Variants in OR1A1 observed in about 807,000 individuals in gnomAD.
OR1A1 encodes the protein olfactory receptor family 1 subfamily A member 1, also known as olfactory receptor 1A1.
For synonymous variants in OR1A1, 145 were observed against 147.8 expected (o/e 0.98, Z 0.13); for missense variants, 391 against 379.9 (o/e 1.03, Z -0.24).
intron 3 of OR1A1, 52 bp from the exon 4 acceptor site, chr17:3,215,564 A>G: frequency 7.7e-7 from 1 of 1,305,872 alleles, no homozygotes; most frequent in Non-Finnish European, 1.1e-6. Context: ...TTATCACTAC[A>G]CACAGTAACT....
intron 2 of OR1A1, among the ~76,000 whole-genome samples, chr17:3,210,701 G>A (rs113165071): frequency 0.019 from 2,818 of 152,166 alleles, 83 homozygotes; most frequent in African/African-American, 0.065. Context: ...CGCTTCCCGG[G>A]TTCAAGTGAT....
intron 2 of OR1A1, among the ~76,000 whole-genome samples, chr17:3,209,892 AT>A (rs1452123334): frequency 1.3e-5 from 2 of 152,020 alleles, no homozygotes; most frequent in African/African-American, 4.8e-5. Flanking sequence ...CCTATTCAGA[AT>A]TTACACTTTT....
chr17:3,212,231 T>C (rs1422800622), intron 2 of OR1A1, among the ~76,000 whole-genome samples: 1 of 149,190 alleles, frequency 6.7e-6, no homozygotes, highest in Non-Finnish European at 1.5e-5. Flanking sequence ...GTGGTCACAC[T>C]GTATCAAGGG....
Position 3,215,979 on chromosome 17 carries a change from A to G in OR1A1, c.359A>G (p.Tyr120Cys), listed in dbSNP as rs2048466109. The G allele has an allele frequency of 3.7e-6, 6 of 1,614,188 alleles. No homozygotes were observed. Among genetic ancestry groups the G allele is most frequent in the Non-Finnish European group, 5.1e-6 (6 of 1,180,030 alleles). ...AGCTATATTTTGGCTGCAATGGCAT[A>G]TGATCGAGCTGTGGCCATCAGCCGC... ...TDSYILAAMAYDRAVAISRPL... is the reference protein window; with the variant it reads ...TDSYILAAMACDRAVAISRPL... Residue 120 changes from tyrosine (Y) to cysteine (C), a missense_variant, in exon 4 of 4, where the codon TAT becomes TGT. Physicochemically the swap from Tyr to Cys is radical, Grantham distance 194. Coordinates refer to ENST00000641732, the MANE Select transcript of OR1A1 (RefSeq NM_014565.3).
rs199919456 is a variant in OR1A1, at chr17:3,216,066, G to C, written c.446G>C (p.Trp149Ser). The C allele has an allele frequency of 6.2e-7, 1 of 1,614,112 alleles. No homozygotes were observed. The highest frequency in any genetic ancestry group is 8.5e-7 in the Non-Finnish European group (1 of 1,180,026). ...TGTATCTGGCTTATTGCTGGGTCTT[G>C]GGTGATTGGAAATGCCAATGCCCTC... Reference protein sequence around the residue: ...RSCIWLIAGSWVIGNANALPH... With the variant: ...RSCIWLIAGSSVIGNANALPH... Residue 149 changes from tryptophan to serine, a missense_variant, in exon 4 of 4, where the codon TGG becomes TCG. Trp to Ser is a radical substitution (Grantham distance 177). Coordinates refer to ENST00000641732, the MANE Select transcript of OR1A1 (RefSeq NM_014565.3).
chr17:3,215,035 G>GCCGT, intron 3 of OR1A1: 6 of 152,662 alleles, frequency 3.9e-5, no homozygotes, highest in Non-Finnish European at 8.8e-5. Context: ...TGGGCTCTGG[G>GCCGT]ATCCCTCTGA....
Position 3,216,486 on chromosome 17 carries a change from G to A in OR1A1, c.866G>A (p.Ser289Asn), listed in dbSNP as rs568101208. 20 of 1,613,988 alleles carry A rather than the reference G, an allele frequency of 1.2e-5. No individual in the cohort carries two copies. The highest frequency in any genetic ancestry group is 1.7e-5 in the Admixed American group (1 of 60,002). Residue 289 changes from serine to asparagine, a missense_variant, in exon 4 of 4, where the codon AGT becomes AAT. Transcript: ENST00000641732. ...VTPMLNPFIY[S>N]LRNRDMKAAL... ...CCAATGTTAAATCCTTTCATCTACA[G>A]TCTGAGAAATCGGGACATGAAGGCT... is the stretch of plus-strand genomic sequence containing the variant.
Position 3,215,910 on chromosome 17 carries a change from G to A in OR1A1, c.290G>A (p.Cys97Tyr), listed in dbSNP as rs1323211780. Residue 97 changes from cysteine (C) to tyrosine (Y), a missense_variant, in exon 4 of 4, where the codon TGC becomes TAC. Transcript: ENST00000641732. The part of the protein sequence containing the change: ...LGSKSISFGG[C>Y]LTQMYFMIAL... Reference sequence around the variant, plus strand: ...AGCAAATCCATCTCTTTTGGGGGATGCCTAACGCAGATGTATTTCATGATA... The same window carrying A: ...AGCAAATCCATCTCTTTTGGGGGATACCTAACGCAGATGTATTTCATGATA... The A allele has an allele frequency of 6.2e-7, 1 of 1,614,158 alleles. No individual in the cohort carries two copies. The highest frequency in any genetic ancestry group is 1.7e-5 in the Admixed American group (1 of 60,016).
At position 3,216,082 on chromosome 17, in the gene OR1A1, C is replaced by T; in HGVS notation, c.462C>T (p.Ala154=). The stretch of plus-strand genomic sequence containing the variant: ...CTGGGTCTTGGGTGATTGGAAATGC[C>T]AATGCCCTCCCCCACACTCTGCTCA... The part of the protein sequence containing the change: ...LIAGSWVIGN[A]NALPHTLLTA... Residue 154 remains alanine (A), a synonymous_variant, in exon 4 of 4, where the codon GCC becomes GCT. Coordinates refer to ENST00000641732, the MANE Select transcript of OR1A1 (RefSeq NM_014565.3). The T allele has an allele frequency of 2.5e-6, 4 of 1,614,130 alleles. No individual in the cohort carries two copies. The highest frequency in any genetic ancestry group is 2.2e-5 in the East Asian group (1 of 44,886).
chr17:3,216,087 C>T lies in OR1A1; in HGVS notation c.467C>T (p.Ala156Val), dbSNP rs1174948856. 1 of 1,613,990 alleles carries T rather than the reference C, an allele frequency of 6.2e-7. No individual in the cohort carries two copies. The highest frequency in any genetic ancestry group is 1.3e-5 in the African/African-American group (1 of 74,896). ...TCTTGGGTGATTGGAAATGCCAATGCCCTCCCCCACACTCTGCTCACAGCT... is the reference window on the plus strand; with the variant it reads ...TCTTGGGTGATTGGAAATGCCAATGTCCTCCCCCACACTCTGCTCACAGCT... ...AGSWVIGNANALPHTLLTASL... is the reference protein window; with the variant it reads ...AGSWVIGNANVLPHTLLTASL... Residue 156 changes from alanine to valine, a missense_variant, in exon 4 of 4, where the codon GCC (alanine) becomes GTC (valine). Coordinates refer to ENST00000641732, the MANE Select transcript of OR1A1 (RefSeq NM_014565.3).
In OR1A1 at chr17:3,218,745, C is replaced by T. The variant is rs558789121; in HGVS notation, c.*2195C>T. 2.6e-5 allele frequency: 4 copies of T among 152,092 alleles called. 1 individual carries two copies. In the Middle Eastern group the frequency reaches 0.014, roughly 514 times the overall value. 9.4% of individuals were successfully genotyped at this position (152,092 alleles called of 1,614,324 possible). A position where few individuals can be genotyped will look rare whatever the true frequency, so the allele number is the denominator to read the frequency against. The stretch of plus-strand genomic sequence containing the variant: ...GAGAACACATGGACACAAGGAAGGG[C>T]ACATCACACACCAGGGCCTGTCAGC... On this transcript the variant is annotated 3_prime_UTR_variant, in exon 4 of 4. Transcript: ENST00000641732.
intron 2 of OR1A1, 25 bp downstream of exon 2, chr17:3,209,023 T>C (rs894110773): frequency 7.2e-6 from 1 of 139,748 alleles, no homozygotes; most frequent in Non-Finnish European, 1.6e-5. Flanking sequence ...TGTTTCTTTT[T>C]AATTTTTTTA....
chr17:3,213,640 T>C (rs1245987250), intron 3 of OR1A1: 3 of 152,188 alleles, frequency 2.0e-5, no homozygotes, highest in Non-Finnish European at 4.4e-5. Context: ...TTGGGGGAGG[T>C]TCTCCTGAGT....
Position 3,215,775 on chromosome 17 carries a change from A to G in OR1A1, c.155A>G (p.Asp52Gly), listed in dbSNP as rs754296605. 1.1e-5 allele frequency: 18 copies of G among 1,613,900 alleles called. No individual in the cohort carries two copies. Among genetic ancestry groups the G allele is most frequent in the Non-Finnish European group, 1.4e-5 (16 of 1,180,022 alleles). Residue 52 changes from aspartate to glycine, a missense_variant, in exon 4 of 4, where the codon GAT becomes GGT. By Grantham distance (94) the Asp-to-Gly change is moderately conservative (BLOSUM62 -1). Coordinates refer to ENST00000641732, the MANE Select transcript of OR1A1 (RefSeq NM_014565.3). ...CTCATCGTCCTAGCCATTTGCTCTG[A>G]TGTTCGCCTTCACAACCCCATGTAT... ...NLLIVLAICSDVRLHNPMYFL... is the reference protein window; with the variant it reads ...NLLIVLAICSGVRLHNPMYFL...
In OR1A1 at chr17:3,215,606, C is replaced by G. The variant is rs1315695927; in HGVS notation, c.-5-10C>G. 16 of 1,584,156 alleles carry G rather than the reference C, an allele frequency of 1.0e-5. No individual in the cohort carries two copies. In the Admixed American group the frequency reaches 2.7e-4, roughly 27 times the overall value. Reference sequence around the variant, plus strand: ...ATATAATGATATTCCTCTCCCCTTTCATGTTAAAGAAGCCATGAGGGAAAA... The same window carrying G: ...ATATAATGATATTCCTCTCCCCTTTGATGTTAAAGAAGCCATGAGGGAAAA... On this transcript the variant is annotated splice_polypyrimidine_tract_variant and intron_variant, in intron 3 of 3. Transcript: ENST00000641732.
chr17:3,215,765 A>G lies in OR1A1; in HGVS notation c.145A>G (p.Ile49Val), dbSNP rs752691661. 6.2e-7 allele frequency: 1 copy of G among 1,613,988 alleles called. No homozygotes were observed. Among genetic ancestry groups the G allele is most frequent in the Non-Finnish European group, 8.5e-7 (1 of 1,179,990 alleles). ...LIGNLLIVLAICSDVRLHNPM... is the reference protein window; with the variant it reads ...LIGNLLIVLAVCSDVRLHNPM... ...TGGAAACCTGCTCATCGTCCTAGCC[A>G]TTTGCTCTGATGTTCGCCTTCACAA... Residue 49 changes from isoleucine to valine, a missense_variant, in exon 4 of 4, where the codon ATT (isoleucine) becomes GTT (valine). By Grantham distance (29) the Ile-to-Val change is conservative. Coordinates refer to ENST00000641732, the MANE Select transcript of OR1A1 (RefSeq NM_014565.3).
rs2048475714 is a variant in OR1A1, at chr17:3,217,441, T to C, written c.*891T>C. On this transcript the variant is annotated 3_prime_UTR_variant, in exon 4 of 4. Coordinates refer to ENST00000641732, the MANE Select transcript of OR1A1 (RefSeq NM_014565.3). Reference sequence around the variant, plus strand: ...AGAAAACACTTCTTTAAATTTCGTATGGAACTAAAAAAGAGCCCGTATATC... The same window carrying C: ...AGAAAACACTTCTTTAAATTTCGTACGGAACTAAAAAAGAGCCCGTATATC... 1.3e-5 allele frequency: 2 copies of C among 152,206 alleles called. No homozygotes were observed. The highest frequency in any genetic ancestry group is 6.5e-5 in the Admixed American group (1 of 15,278). The allele number at this position is 152,206 out of a possible 1,614,324, so 9.4% of individuals were successfully genotyped here.
At chr17:3,212,211 G>A (rs1369377269) in intron 2 of OR1A1, among the ~76,000 whole-genome samples, 3 of 151,938 alleles carry the variant, frequency 2.0e-5, no homozygotes, top group African/African-American at 7.3e-5. Flanking sequence ...TCCCTGCTTC[G>A]TGTGGATCTG....
At chr17:3,213,270 GT>G (rs2048451947) in intron 3 of OR1A1, 1 of 152,140 alleles carries the variant, frequency 6.6e-6, no homozygotes, top group South Asian at 2.1e-4. Context: ...TAGAAAAAAA[GT>G]AATTTATTGG....
Sources: allele counts gnomAD v4.1 joint callset (sites outside exome capture counted in the v4.1 genomes callset), GRCh38; gene constraint gnomAD v4.1.1; transcripts MANE v1.5; gene names NCBI Gene and HGNC (gene_info 2026-07-23, HGNC 2026-07-21).